The following SENP8 variants were observed in gnomAD, a reference collection of about 807,000 sequenced individuals.
SENP8 encodes SUMO peptidase family member, NEDD8 specific, also known as sentrin-specific protease 8.
A neutral mutation model predicts 14.4 loss-of-function variants in SENP8; 10 were observed. The observed-to-expected ratio is 0.69, with a 90% CI of 0.43 to 1.18. SENP8 has a LOEUF of 1.18. Among genes scored for constraint, SENP8 ranks in the 50% most tolerant of loss-of-function variants. SENP8 has a pLI of 0.00. For missense variants in SENP8, 202 were observed against 249.4 expected, an observed-to-expected ratio of 0.81 and a Z score of 1.28; for synonymous variants, 94 against 95.5, an observed-to-expected ratio of 0.98 and a Z score of 0.09.
At position 72,123,829 on chromosome 15, in the gene SENP8, C is replaced by T. The variant is rs1032478521; in HGVS notation, c.-48+5365C>T. 3.9e-5 allele frequency among the ~76,000 whole-genome samples: 6 copies of T among 152,126 alleles called. No homozygotes were observed. The South Asian group carries it at 8.3e-4, about 21-fold the overall frequency. On this transcript the variant is annotated intron_variant, in intron 1 of 1. Coordinates refer to ENST00000340912, the MANE Select transcript of SENP8 (RefSeq NM_145204.4). The stretch of plus-strand genomic sequence containing the variant: ...TGCTGGGATTACAGGCATGAGCCAC[C>T]GCACCCAGCCTACAAATGGAACTCT...
intron 1 of SENP8, among the ~76,000 whole-genome samples, chr15:72,122,667 G>A (rs896950963): frequency 6.6e-6 from 1 of 152,158 alleles, no homozygotes; most frequent in African/African-American, 2.4e-5. Context: ...AGGCCATTTG[G>A]GTGGTGATAG....
Position 72,123,752 on chromosome 15 carries a change from C to G in SENP8, c.-48+5288C>G, listed in dbSNP as rs550710591. Among the ~76,000 whole-genome samples, 3 of 152,290 alleles carry G rather than the reference C, an allele frequency of 2.0e-5. No homozygotes were observed. In the South Asian group the frequency reaches 6.2e-4, roughly 32 times the overall value. On this transcript the variant is annotated intron_variant, in intron 1 of 1. Coordinates refer to ENST00000340912, the MANE Select transcript of SENP8 (RefSeq NM_145204.4). ...ACAGGGTTTCTCCATGTTGGTCAGG[C>G]TGATCTAGAACGCCCGACCTCAGGT...
chr15:72,129,767 C>T (rs995289015), intron 1 of SENP8, among the ~76,000 whole-genome samples: 1 of 150,310 alleles, frequency 6.7e-6, no homozygotes, highest in African/African-American at 2.5e-5. Context: ...CACTTGAGCC[C>T]AGGAGGTCAA....
chr15:72,128,811 A>G (rs1224138462), intron 1 of SENP8, among the ~76,000 whole-genome samples: 1 of 152,198 alleles, frequency 6.6e-6, no homozygotes, highest in Admixed American at 6.5e-5. Flanking sequence ...AGTTTGGTAC[A>G]ACTTAAAATC....
chr15:72,138,652 G>A (rs141144955), intron 1 of SENP8, among the ~76,000 whole-genome samples: 218 of 151,184 alleles, frequency 1.4e-3, no homozygotes, highest in African/African-American at 4.6e-3. Context: ...ACCCAGCCTA[G>A]GTGTAGGATT....
intron 1 of SENP8, among the ~76,000 whole-genome samples, chr15:72,133,188 A>G (rs2081292196): frequency 6.6e-6 from 1 of 152,176 alleles, no homozygotes; most frequent in South Asian, 2.1e-4. Flanking sequence ...AGAAAAAAAT[A>G]TCTAATTGAT....
At chr15:72,122,278 A>C (rs1337546013) in intron 1 of SENP8, among the ~76,000 whole-genome samples, 1 of 148,832 alleles carries the variant, frequency 6.7e-6, no homozygotes, top group African/African-American at 2.5e-5. Flanking sequence ...ACCTGTCTAT[A>C]CCTGTGAGTC....
chr15:72,117,906 C>T, upstream of SENP8: 1 of 398,620 alleles, frequency 2.5e-6, no homozygotes, highest in Non-Finnish European at 4.4e-6. Flanking sequence ...GGCACATCCC[C>T]CGCCGCACCC....
intron 1 of SENP8, among the ~76,000 whole-genome samples, chr15:72,138,059 T>C (rs1454551310): frequency 6.6e-6 from 1 of 152,220 alleles, no homozygotes; most frequent in East Asian, 1.9e-4. Context: ...TGAATTCATC[T>C]TTAATATAAA....
At position 72,140,334 on chromosome 15, in the gene SENP8, C is replaced by T; in HGVS notation, c.*72C>T. On this transcript the variant is annotated 3_prime_UTR_variant, in exon 2 of 2. Coordinates refer to ENST00000340912, the MANE Select transcript of SENP8 (RefSeq NM_145204.4). The stretch of plus-strand genomic sequence containing the variant: ...TCCCCATTTGTTGGATGGCTGCAAT[C>T]TCAGTGCCTGAGGGAAGATGCCTAG... 9.1e-7 allele frequency: 1 copy of T among 1,097,932 alleles called. No homozygotes were observed. The highest frequency in any genetic ancestry group is 2.4e-5 in the East Asian group (1 of 42,148). 68.0% of individuals were successfully genotyped at this position (1,097,932 alleles called of 1,614,324 possible).
rs1240172298 is a variant in SENP8, at chr15:72,139,814, G to A, written c.191G>A (p.Cys64Tyr). Residue 64 changes from cysteine to tyrosine, a missense_variant, in exon 2 of 2, where the codon TGC (cysteine) becomes TAC (tyrosine). By Grantham distance (194) the Cys-to-Tyr change is radical. Coordinates refer to ENST00000340912, the MANE Select transcript of SENP8 (RefSeq NM_145204.4). ...CCTGAAGTCACCCAGTTCATCAAGT[G>A]CACTAGCAACCCAGCAGAGATTGCC... The part of the protein sequence containing the change: ...ISPEVTQFIK[C>Y]TSNPAEIAMF... 6.2e-7 allele frequency: 1 copy of A among 1,614,166 alleles called. No individual in the cohort carries two copies. The highest frequency in any genetic ancestry group is 8.5e-7 in the Non-Finnish European group (1 of 1,180,030).
chr15:72,118,784 T>C (rs1208738230), intron 1 of SENP8, among the ~76,000 whole-genome samples: 1 of 152,140 alleles, frequency 6.6e-6, no homozygotes, highest in African/African-American at 2.4e-5. Flanking sequence ...CGTGAGAGAA[T>C]CCGCAGTGGT....
intron 1 of SENP8, among the ~76,000 whole-genome samples, chr15:72,126,481 C>T (rs1027112128): frequency 6.6e-6 from 1 of 152,062 alleles, no homozygotes; most frequent in African/African-American, 2.4e-5. Flanking sequence ...AAAAATTAGC[C>T]AGGCACAGTG....
upstream of SENP8, among the ~76,000 whole-genome samples, chr15:72,115,504 C>G (rs781580182): frequency 5.3e-5 from 8 of 152,208 alleles, no homozygotes; most frequent in Non-Finnish European, 1.2e-4. Flanking sequence ...CAACTTCTCC[C>G]CAACCCCAAA....
At position 72,140,213 on chromosome 15, in the gene SENP8, A is replaced by T; in HGVS notation, c.590A>T (p.Lys197Met). ...LQLLTPAYIT[K>M]KRGEWKDLIT... ...CTACTCACCCCTGCATACATCACAA[A>T]GAAGAGGGGAGAATGGAAAGATCTC... The change falls in exon 2 of 2, where the codon AAG becomes ATG. Residue 197 changes from lysine (K) to methionine (M), a missense_variant. Physicochemically the swap from Lys to Met is moderately conservative, Grantham distance 95. Transcript: ENST00000340912. 6.2e-7 allele frequency: 1 copy of T among 1,614,126 alleles called. No homozygotes were observed. Among genetic ancestry groups the T allele is most frequent in the Non-Finnish European group, 8.5e-7 (1 of 1,179,992 alleles).
At chr15:72,114,717 AG>A (rs1261566325), upstream of SENP8, among the ~76,000 whole-genome samples, 7 of 152,350 alleles carry the variant, frequency 4.6e-5, no homozygotes, top group Admixed American at 2.0e-4. Flanking sequence ...GTGCTTTTAC[AG>A]GGGTCTAGAG....
intron 1 of SENP8, among the ~76,000 whole-genome samples, chr15:72,137,165 A>G (rs2081335179): frequency 1.3e-5 from 2 of 152,128 alleles, no homozygotes; most frequent in Non-Finnish European, 2.9e-5. Context: ...AAACTCTTTT[A>G]GTACTTCCAA....
intron 1 of SENP8, among the ~76,000 whole-genome samples, chr15:72,122,527 G>T: frequency 6.6e-6 from 1 of 152,302 alleles, no homozygotes; most frequent in Non-Finnish European, 1.5e-5. Flanking sequence ...TGAATTTGGG[G>T]TTTAGGTATT....
chr15:72,127,170 CTCG>C lies in SENP8; in HGVS notation c.-48+8712_-48+8714del, dbSNP rs370552257. Among the ~76,000 whole-genome samples the C allele has an allele frequency of 1.7e-4, 26 of 152,270 alleles. No individual in the cohort carries two copies. The East Asian group carries it at 4.8e-3, about 28-fold the overall frequency. ...ATGGCAAACAAGGCAGACAAGGCCC[CTCG>C]TCGTCTTATTTTCATAGAGCTTACA... On this transcript the variant is annotated intron_variant, in intron 1 of 1. Transcript: ENST00000340912.
Sources: allele counts gnomAD v4.1 joint callset (sites outside exome capture counted in the v4.1 genomes callset), GRCh38; gene constraint gnomAD v4.1.1; transcripts MANE v1.5; gene names NCBI Gene and HGNC (gene_info 2026-07-23, HGNC 2026-07-21).